MTUS2: variants seen among roughly 807,000 people sequenced by gnomAD.
MTUS2 encodes microtubule-associated tumor suppressor candidate 2.
A neutral mutation model predicts 114.1 loss-of-function variants in MTUS2; 40 were observed. That is an observed-to-expected ratio of 0.35 (90% CI 0.27 to 0.46). MTUS2 has a LOEUF of 0.46. Ranked by LOEUF, MTUS2 falls within the 20% of genes least tolerant of loss-of-function variation. The pLI is 1.00. For missense variants in MTUS2, 1,679 were observed against 1,705.4 expected, an observed-to-expected ratio of 0.98 and a Z score of 0.27; for synonymous variants, 688 against 672.0, an observed-to-expected ratio of 1.02 and a Z score of -0.37.
At position 29,503,311 on chromosome 13, in the gene MTUS2, G is replaced by C. The variant is rs1009964463; in HGVS notation, c.*105G>C. On this transcript the variant is annotated 3_prime_UTR_variant, in exon 16 of 16. Coordinates refer to ENST00000612955, the MANE Select transcript of MTUS2 (RefSeq NM_001033602.4). Reference sequence around the variant, plus strand: ...GGAGCTGGCCCTGTGCGCATGCTCAGTAGCTGCGAATGCATCCTAGGCGCG... The same window carrying C: ...GGAGCTGGCCCTGTGCGCATGCTCACTAGCTGCGAATGCATCCTAGGCGCG... 4 of 1,319,598 alleles carry C rather than the reference G, an allele frequency of 3.0e-6. No homozygotes were observed. The highest frequency in any genetic ancestry group is 4.2e-6 in the Non-Finnish European group (4 of 947,326). The allele number at this position is 1,319,598 out of a possible 1,614,324, so 81.7% of individuals were successfully genotyped here.
chr13:29,343,326 C>T (rs914445767), intron 7 of MTUS2, among the ~76,000 whole-genome samples: 1 of 152,022 alleles, frequency 6.6e-6, no homozygotes, highest in African/African-American at 2.4e-5. Context: ...TCATTTCAAT[C>T]TTGCTGCTTA....
At chr13:29,001,885 T>C (rs1885400518) in intron 2 of MTUS2, among the ~76,000 whole-genome samples, 2 of 152,156 alleles carry the variant, frequency 1.3e-5, no homozygotes, top group Admixed American at 1.3e-4. Context: ...ACTGATGTGC[T>C]TTGAAATAGA....
chr13:29,123,639 C>T (rs1891400624), intron 5 of MTUS2, among the ~76,000 whole-genome samples: 1 of 152,088 alleles, frequency 6.6e-6, no homozygotes, highest in Non-Finnish European at 1.5e-5. Context: ...ATCGCTTACA[C>T]CTGGGAGTGG....
At chr13:29,473,665 G>C (rs1157993160) in intron 9 of MTUS2, among the ~76,000 whole-genome samples, 1 of 152,098 alleles carries the variant, frequency 6.6e-6, no homozygotes, top group Admixed American at 6.6e-5. Flanking sequence ...ATAATCATCA[G>C]TTATTTAAAA....
intron 5 of MTUS2, among the ~76,000 whole-genome samples, chr13:29,168,944 A>AG (rs1893438571): frequency 8.0e-6 from 1 of 125,724 alleles, no homozygotes; most frequent in African/African-American, 3.1e-5. Context: ...TGCCAGTATC[A>AG]TTTCTAGGTC....
At chr13:29,134,423 A>G (rs1021664596) in intron 5 of MTUS2, among the ~76,000 whole-genome samples, 3 of 152,094 alleles carry the variant, frequency 2.0e-5, no homozygotes, top group Non-Finnish European at 4.4e-5. Flanking sequence ...TTCTTTACTT[A>G]TCTTCTGTCT....
intron 1 of MTUS2, among the ~76,000 whole-genome samples, chr13:28,827,380 C>G (rs1874338228): frequency 6.6e-6 from 1 of 152,112 alleles, no homozygotes; most frequent in Non-Finnish European, 1.5e-5. Flanking sequence ...TTTGCCACTA[C>G]TAGCAGATTT....
chr13:29,365,420 A>T (rs1870619774), intron 8 of MTUS2, among the ~76,000 whole-genome samples: 1 of 152,124 alleles, frequency 6.6e-6, no homozygotes, highest in Non-Finnish European at 1.5e-5. Flanking sequence ...CAATAAGATG[A>T]GAACAGATAC....
At chr13:29,351,449 C>T (rs1869259776) in intron 7 of MTUS2, among the ~76,000 whole-genome samples, 1 of 152,192 alleles carries the variant, frequency 6.6e-6, no homozygotes, top group African/African-American at 2.4e-5. Flanking sequence ...ATGTTTCTGA[C>T]ACATCTTTCT....
intron 4 of MTUS2, among the ~76,000 whole-genome samples, chr13:29,055,548 G>T (rs573576638): frequency 3.9e-5 from 6 of 151,960 alleles, no homozygotes; most frequent in Non-Finnish European, 8.8e-5. Context: ...AGGCCCTAGC[G>T]TCTGTTCTCT....
intron 1 of MTUS2, among the ~76,000 whole-genome samples, chr13:28,831,547 CAAAG>C (rs1464597359): frequency 1.3e-5 from 2 of 151,664 alleles, no homozygotes; most frequent in South Asian, 2.1e-4. Context: ...TTGCAGAAGA[CAAAG>C]AAGGTCATTA....
chr13:29,026,109 G>A lies in MTUS2; in HGVS notation c.1411G>A (p.Val471Met), dbSNP rs375803495. 1.3e-5 allele frequency: 21 copies of A among 1,613,898 alleles called. No individual in the cohort carries two copies. The African/African-American group carries it at 2.3e-4, about 17-fold the overall frequency. The change falls in exon 3 of 16, where the codon GTG becomes ATG. Residue 471 changes from valine to methionine, a missense_variant. Coordinates refer to ENST00000612955, the MANE Select transcript of MTUS2 (RefSeq NM_001033602.4). ...SGNKDSVMVLVFNPSVGENKT... is the reference protein window; with the variant it reads ...SGNKDSVMVLMFNPSVGENKT... Reference sequence around the variant, plus strand: ...GAATAAGGACAGTGTTATGGTTTTGGTGTTCAATCCTTCTGTTGGAGAGAA... The same window carrying A: ...GAATAAGGACAGTGTTATGGTTTTGATGTTCAATCCTTCTGTTGGAGAGAA...
intron 2 of MTUS2, among the ~76,000 whole-genome samples, chr13:29,010,977 C>G (rs935779017): frequency 2.0e-5 from 3 of 152,208 alleles, no homozygotes; most frequent in Middle Eastern, 3.4e-3. Context: ...GACCACCTGC[C>G]AGAGAGGACG....
At chr13:29,316,986 TG>T (rs1248135703) in intron 6 of MTUS2, among the ~76,000 whole-genome samples, 5 of 152,116 alleles carry the variant, frequency 3.3e-5, no homozygotes, top group Admixed American at 2.0e-4. Flanking sequence ...TTATTGGGCT[TG>T]GGGGGGAATT....
In MTUS2 at chr13:29,025,891, A is replaced by G. The variant is rs1388598854; in HGVS notation, c.1193A>G (p.Gln398Arg). ...GATTCTCTCCACACCACCCCCAAAC[A>G]GGGCTCTGCTTCCTTAGGAGGGGCT... is the stretch of plus-strand genomic sequence containing the variant. The part of the protein sequence containing the change: ...EQDSLHTTPK[Q>R]GSASLGGADN... Residue 398 changes from glutamine (Q) to arginine (R), a missense_variant, in exon 3 of 16, where the codon CAG becomes CGG. Physicochemically the swap from Gln to Arg is conservative, Grantham distance 43. Transcript: ENST00000612955. 2 of 1,613,472 alleles carry G rather than the reference A, an allele frequency of 1.2e-6. No individual in the cohort carries two copies. The highest frequency in any genetic ancestry group is 2.2e-5 in the East Asian group (1 of 44,878).
chr13:28,906,966 A>T (rs1264100090), intron 2 of MTUS2, among the ~76,000 whole-genome samples: 11 of 151,578 alleles, frequency 7.3e-5, no homozygotes, highest in East Asian at 5.8e-4. Flanking sequence ...TCACCAAAGT[A>T]GAAATGAAGG....
chr13:28,992,775 ATTTT>A (rs763047417), intron 2 of MTUS2, among the ~76,000 whole-genome samples: 20 of 152,240 alleles, frequency 1.3e-4, no homozygotes, highest in Non-Finnish European at 2.6e-4. Context: ...TGTCTTACCC[ATTTT>A]TAAGTGTACA....
intron 2 of MTUS2, among the ~76,000 whole-genome samples, chr13:28,847,823 A>G (rs1275440962): frequency 6.6e-6 from 1 of 152,136 alleles, no homozygotes; most frequent in African/African-American, 2.4e-5. Context: ...CTGATGCTGG[A>G]TGGACCTCAC....
At chr13:29,443,376 G>GCT (rs1435892844) in intron 9 of MTUS2, among the ~76,000 whole-genome samples, 1 of 152,230 alleles carries the variant, frequency 6.6e-6, no homozygotes, top group Non-Finnish European at 1.5e-5. Flanking sequence ...GTGCAAGGCT[G>GCT]CTTCTCTCTG....
Sources: allele counts gnomAD v4.1 joint callset (sites outside exome capture counted in the v4.1 genomes callset), GRCh38; gene constraint gnomAD v4.1.1; transcripts MANE v1.5; gene names NCBI Gene and HGNC (gene_info 2026-07-23, HGNC 2026-07-21).